The following DAD1 variants were observed in gnomAD, a reference collection of about 807,000 sequenced individuals.
DAD1 encodes defender against cell death 1, also known as dolichyl-diphosphooligosaccharide--protein glycosyltransferase subunit DAD1.
A neutral mutation model predicts 9.0 loss-of-function variants in DAD1; 4 were observed. The ratio of observed to expected loss-of-function variants is 0.44; its 90% CI spans 0.22 to 1.01. The LOEUF is 1.01. DAD1 is among the 50% of genes least tolerant of loss of function. The probability of loss-of-function intolerance (pLI) is 0.24; values close to 1 mark genes in which losing one functional copy is unlikely to be tolerated. For missense variants in DAD1, 119 were observed against 137.3 expected, an observed-to-expected ratio of 0.87 and a Z score of 0.67; for synonymous variants, 60 against 62.5, an observed-to-expected ratio of 0.96 and a Z score of 0.19.
chr14:22,565,617 A>G (rs1241403351), intron 2 of DAD1, among the ~76,000 whole-genome samples: 1 of 152,234 alleles, frequency 6.6e-6, no homozygotes, highest in African/African-American at 2.4e-5. Context: ...AGCTATAACA[A>G]AGGACCAAAA....
At chr14:22,584,046 C>A (rs74350394) in intron 1 of DAD1, among the ~76,000 whole-genome samples, 3 of 152,064 alleles carry the variant, frequency 2.0e-5, no homozygotes, top group Non-Finnish European at 2.9e-5. Context: ...CCCATTCTCA[C>A]CAATAATTCT....
chr14:22,574,280 A>G (rs143391295), intron 2 of DAD1, among the ~76,000 whole-genome samples: 180 of 152,292 alleles, frequency 1.2e-3, no homozygotes, highest in Non-Finnish European at 1.9e-3. Context: ...CAGTGTTGAC[A>G]TACGGTATGG....
At position 22,565,004 on chromosome 14, in the gene DAD1, GACAC is replaced by G; in HGVS notation, c.*174_*177del. On this transcript the variant is annotated 3_prime_UTR_variant, in exon 3 of 3. Transcript: ENST00000250498. ...TAAATGTTTGTTAGAAAGTTGTTCT[GACAC>G]ACAGTGAACTCTGGGCTTTTCTCCT... 1.5e-6 allele frequency: 1 copy of G among 646,318 alleles called. No homozygotes were observed. The highest frequency in any genetic ancestry group is 2.8e-6 in the Non-Finnish European group (1 of 357,858). The allele number at this position is 646,318 out of a possible 1,614,324, so 40.0% of individuals were successfully genotyped here. A position where few individuals can be genotyped will look rare whatever the true frequency, so the allele number is the denominator to read the frequency against.
At chr14:22,569,782 T>C (rs1015750343) in intron 2 of DAD1, among the ~76,000 whole-genome samples, 5 of 152,198 alleles carry the variant, frequency 3.3e-5, no homozygotes, top group Admixed American at 3.3e-4. Context: ...AGTAAAGTCA[T>C]CAATTAGCAC....
intron 1 of DAD1, among the ~76,000 whole-genome samples, chr14:22,584,688 T>C (rs1413444934): frequency 2.0e-5 from 3 of 152,204 alleles, no homozygotes; most frequent in African/African-American, 7.2e-5. Context: ...AGCTCAATAC[T>C]GTTGGAGCAG....
chr14:22,576,713 A>T (rs964275797), intron 1 of DAD1, among the ~76,000 whole-genome samples: 1 of 152,232 alleles, frequency 6.6e-6, no homozygotes, highest in Non-Finnish European at 1.5e-5. Context: ...AATATTTGCA[A>T]ATCACTTATC....
chr14:22,573,181 G>T (rs1566371053), intron 2 of DAD1, among the ~76,000 whole-genome samples: 2 of 147,140 alleles, frequency 1.4e-5, no homozygotes, highest in Admixed American at 6.8e-5. Flanking sequence ...ACACTTTTGG[G>T]TTTTTTTTTT....
At chr14:22,586,268 G>A (rs895642015) in intron 1 of DAD1, among the ~76,000 whole-genome samples, 5 of 151,364 alleles carry the variant, frequency 3.3e-5, no homozygotes, top group African/African-American at 1.2e-4. Flanking sequence ...ATTCCTGGCC[G>A]GGCACAGTGA....
At chr14:22,576,896 G>A (rs1037583366) in intron 1 of DAD1, among the ~76,000 whole-genome samples, 2 of 151,968 alleles carry the variant, frequency 1.3e-5, no homozygotes, top group South Asian at 2.1e-4. Flanking sequence ...AATCACTAGG[G>A]CAATACAAAT....
At chr14:22,579,840 C>CTTTTTTTTTT (rs34081969) in intron 1 of DAD1, among the ~76,000 whole-genome samples, 1 of 129,246 alleles carries the variant, frequency 7.7e-6, no homozygotes, top group African/African-American at 3.0e-5. Flanking sequence ...AAAGCCAATC[C>CTTTTTTTTTT]TTTTTTTTTT....
chr14:22,586,244 A>C (rs2037152120), intron 1 of DAD1, among the ~76,000 whole-genome samples: 1 of 151,210 alleles, frequency 6.6e-6, no homozygotes, highest in Admixed American at 6.6e-5. Context: ...TATTACCTAC[A>C]GGATAAAGTC....
At chr14:22,574,571 C>A (rs144167384) in intron 2 of DAD1, among the ~76,000 whole-genome samples, 86 of 152,304 alleles carry the variant, frequency 5.6e-4, no homozygotes, top group African/African-American at 1.9e-3. Flanking sequence ...CAAGTTAACC[C>A]AATTTCCCCA....
At chr14:22,576,334 C>G (rs1594882149) in intron 1 of DAD1, among the ~76,000 whole-genome samples, 1 of 152,114 alleles carries the variant, frequency 6.6e-6, no homozygotes, top group Non-Finnish European at 1.5e-5. Flanking sequence ...TGATTTTCAA[C>G]CAAACTGACA....
intron 1 of DAD1, among the ~76,000 whole-genome samples, chr14:22,580,210 G>C (rs1017180102): frequency 2.8e-4 from 42 of 151,974 alleles, no homozygotes; most frequent in Non-Finnish European, 8.8e-5. Context: ...TTGAGCCCAA[G>C]AGCTTGAGAC....
chr14:22,565,315 G>T (rs1294859889), intron 2 of DAD1, among the ~76,000 whole-genome samples, 178 bp from the exon 3 acceptor site: 3 of 152,204 alleles, frequency 2.0e-5, no homozygotes, highest in African/African-American at 7.2e-5. Flanking sequence ...CATTTTATGG[G>T]AGTAGTATCC....
rs1312156305 is a variant in DAD1 at position 22,589,129 on chromosome 14, G to A, written c.29C>T (p.Ser10Leu). 1.9e-6 allele frequency: 3 copies of A among 1,614,188 alleles called. No homozygotes were observed. Among genetic ancestry groups the A allele is most frequent in the African/African-American group, 1.3e-5 (1 of 75,042 alleles). Residue 10 changes from serine (S) to leucine (L), a missense_variant, in exon 1 of 3, where the codon TCG (serine) becomes TTG (leucine). By Grantham distance (145) the Ser-to-Leu change is moderately radical. Transcript: ENST00000250498. ...GCTCAAGTACTCTTCTAAGAACCGC[G>A]AAATGACAGACACTACCGACGCCGA... MSASVVSVI[S>L]RFLEEYLSST...
intron 2 of DAD1, among the ~76,000 whole-genome samples, chr14:22,571,817 A>G (rs956683976): frequency 3.3e-5 from 5 of 151,790 alleles, no homozygotes; most frequent in Non-Finnish European, 5.9e-5. Flanking sequence ...TTTAGTAGAG[A>G]CGAGGTTTCA....
intron 1 of DAD1, among the ~76,000 whole-genome samples, chr14:22,584,572 A>G (rs991084391): frequency 3.3e-5 from 5 of 152,078 alleles, no homozygotes; most frequent in African/African-American, 1.2e-4. Context: ...CAAAAAAAAA[A>G]GGAAATTGCA....
intron 1 of DAD1, among the ~76,000 whole-genome samples, chr14:22,588,407 A>G (rs1372853586): frequency 6.6e-6 from 1 of 152,270 alleles, no homozygotes; most frequent in Non-Finnish European, 1.5e-5. Context: ...TTATGTGAAC[A>G]AAAATTGGGT....
Sources: gnomAD v4.1 joint callset for allele counts (sites outside exome capture counted in the v4.1 genomes callset) on GRCh38, gnomAD v4.1.1 for gene constraint, MANE v1.5 for transcripts, NCBI Gene and HGNC (gene_info 2026-07-23, HGNC 2026-07-21) for gene names.